The following MAST3 variants were observed in gnomAD, a reference collection of about 807,000 sequenced individuals.
MAST3 encodes microtubule associated serine/threonine kinase 3, also known as microtubule-associated serine/threonine-protein kinase 3.
MAST3 carries 43 observed loss-of-function variants against 127.0 expected under a neutral mutation model. The ratio of observed to expected loss-of-function variants is 0.34; its 90% CI spans 0.27 to 0.44. MAST3 has a LOEUF of 0.44. Among genes scored for constraint, MAST3 ranks in the 20% least tolerant of loss-of-function variants. The probability of loss-of-function intolerance (pLI) is 1.00; values close to 1 mark genes in which losing one functional copy is unlikely to be tolerated. For synonymous variants in MAST3, 785 were observed against 809.2 expected, an observed-to-expected ratio of 0.97 and a Z score of 0.51; for missense variants, 1,390 against 1,919.1, an observed-to-expected ratio of 0.72 and a Z score of 5.15.
chr19:18,139,490 A>G (rs1157990325), intron 20 of MAST3, among the ~76,000 whole-genome samples: 3 of 150,682 alleles, frequency 2.0e-5, no homozygotes, highest in African/African-American at 7.4e-5. Flanking sequence ...ACGCCCAGCT[A>G]ATTTTTGTAT....
intron 3 of MAST3, among the ~76,000 whole-genome samples, chr19:18,119,022 C>A (rs2039634454): frequency 6.6e-6 from 1 of 152,150 alleles, no homozygotes; most frequent in Non-Finnish European, 1.5e-5. Flanking sequence ...TGGCTTCAGG[C>A]CCCTGCTTTC....
At chr19:18,125,042 G>A (rs925727202) in intron 11 of MAST3, among the ~76,000 whole-genome samples, 2 of 152,138 alleles carry the variant, frequency 1.3e-5, no homozygotes, top group African/African-American at 2.4e-5. Flanking sequence ...AGGAGATGGA[G>A]GTTGCAGTGA....
At position 18,149,054 on chromosome 19, in the gene MAST3, A is replaced by C. The variant is rs1483067622; in HGVS notation, c.3509-137A>C. The C allele has an allele frequency of 4.1e-6, 4 of 970,428 alleles. No individual in the cohort carries two copies. The Admixed American group carries it at 1.2e-4, about 29-fold the overall frequency. 60.1% of individuals were successfully genotyped at this position (970,428 alleles called of 1,614,324 possible). On this transcript the variant is annotated intron_variant, in intron 27 of 27. Coordinates refer to ENST00000687212, the MANE Select transcript of MAST3 (RefSeq NM_001393504.1). This position sits in a 1 kb window ranked among gnomAD's most constrained non-coding sequence, Gnocchi z 5.9. ...GGCAACAGAGCAAGACCCTGTCTCA[A>C]AAACAAAAACAACCAGGCATGATGG...
At chr19:18,135,622 G>T in intron 17 of MAST3, 118 bp from the exon 18 acceptor site, 1 of 746,442 alleles carries the variant, frequency 1.3e-6, no homozygotes, top group Non-Finnish European at 2.3e-6. Flanking sequence ...CGTTGCAGGG[G>T]CAGAGGAGGC....
At chr19:18,148,728 C>T (rs570209911) in intron 27 of MAST3, among the ~76,000 whole-genome samples, 1 of 152,070 alleles carries the variant, frequency 6.6e-6, no homozygotes, top group Non-Finnish European at 1.5e-5. Flanking sequence ...CATGGTGAAA[C>T]CCCAACTCTA....
Position 18,134,947 on chromosome 19 carries a change from A to C in MAST3, c.1835A>C (p.Asp612Ala). 5.0e-6 allele frequency: 8 copies of C among 1,613,344 alleles called. No individual in the cohort carries two copies. Among genetic ancestry groups the C allele is most frequent in the Non-Finnish European group, 6.8e-6 (8 of 1,179,642 alleles). The change falls in exon 17 of 28, where the codon GAT becomes GCT. Residue 612 changes from aspartate (D) to alanine (A), a missense_variant. Asp to Ala is a moderately radical substitution (Grantham distance 126, BLOSUM62 -2). Around this residue, in one of 5 missense-constraint regions of MAST3, gnomAD observed 191 missense variants for 409.0 expected, o/e 0.47. Coordinates refer to ENST00000687212, the MANE Select transcript of MAST3 (RefSeq NM_001393504.1). ...GTGGGCTGCGTGCCTTTCTTTGGAG[A>C]TACCCCCGAGGAACTCTTCGGTCAG... ...FLVGCVPFFG[D>A]TPEELFGQVV...
In MAST3 at chr19:18,145,722, A is replaced by G. The variant is rs753362293; in HGVS notation, c.3040-21A>G. The G allele has an allele frequency of 1.9e-5, 29 of 1,560,006 alleles. No homozygotes were observed. Among genetic ancestry groups the G allele is most frequent in the Non-Finnish European group, 2.5e-5 (29 of 1,158,944 alleles). ...ATGTGGGGCCCAGGCCATTGACCCC[A>G]CCGTTCTCGTCTGCCCCCAGAGTGT... On this transcript the variant is annotated intron_variant, in intron 24 of 27. Coordinates refer to ENST00000687212, the MANE Select transcript of MAST3 (RefSeq NM_001393504.1). This position sits in a 1 kb window ranked among gnomAD's most constrained non-coding sequence, Gnocchi z 5.9.
At chr19:18,108,544 G>A (rs936314467) in intron 2 of MAST3, among the ~76,000 whole-genome samples, 1 of 151,914 alleles carries the variant, frequency 6.6e-6, no homozygotes, top group South Asian at 2.1e-4. Flanking sequence ...TGACTTGTAT[G>A]TTTAGTAGAG....
chr19:18,124,931 A>ACCCCC (rs111723470), intron 11 of MAST3, among the ~76,000 whole-genome samples, 157 bp downstream of exon 11: 5 of 135,710 alleles, frequency 3.7e-5, no homozygotes, highest in East Asian at 2.1e-4. Context: ...CATGGTGGAA[A>ACCCCC]CCCCCCCCCT....
intron 5 of MAST3, 141 bp downstream of exon 5, chr19:18,122,063 C>G (rs1346513482): frequency 1.6e-5 from 24 of 1,472,744 alleles, no homozygotes; most frequent in Admixed American, 2.3e-5. Context: ...GTGGTGGTCT[C>G]CCCCTCTGGC....
chr19:18,138,714 G>T (rs905387500), intron 19 of MAST3, among the ~76,000 whole-genome samples: 1 of 152,246 alleles, frequency 6.6e-6, no homozygotes, highest in East Asian at 1.9e-4. Flanking sequence ...GGCCAGGCTG[G>T]TCTCAAACTC....
chr19:18,147,722 G>A (rs1441928979), intron 27 of MAST3, 98 bp downstream of exon 27: 11 of 864,172 alleles, frequency 1.3e-5, no homozygotes, highest in Non-Finnish European at 1.9e-5. Context: ...GGAATGACAC[G>A]ATGTAGGGAA....
Position 18,110,572 on chromosome 19 carries a change from AGCCGCCATCCGGAGATCCGGATTCG to A in MAST3, c.72-76_72-52del, listed in dbSNP as rs2038481345. 2 of 871,704 alleles carry A rather than the reference AGCCGCCATCCGGAGATCCGGATTCG, an allele frequency of 2.3e-6. No homozygotes were observed. Among genetic ancestry groups the A allele is most frequent in the South Asian group, 1.0e-4 (2 of 19,106 alleles). 54.0% of individuals were successfully genotyped at this position (871,704 alleles called of 1,614,324 possible). On this transcript the variant is annotated intron_variant, in intron 2 of 27. Transcript: ENST00000687212. This position sits in a 1 kb window ranked among gnomAD's most constrained non-coding sequence, Gnocchi z 4.3. Reference sequence around the variant, plus strand: ...GGCCCCTACTCCCTGAGGGAACCGCAGCCGCCATCCGGAGATCCGGATTCGGCCACACGAAGGGGCGGCCGCCAGG... The same window carrying A: ...GGCCCCTACTCCCTGAGGGAACCGCAGCCACACGAAGGGGCGGCCGCCAGG...
intron 13 of MAST3, among the ~76,000 whole-genome samples, chr19:18,130,291 A>T (rs533924228): frequency 6.6e-6 from 1 of 152,344 alleles, no homozygotes; most frequent in African/African-American, 2.4e-5. Flanking sequence ...TGTGCAGCCC[A>T]TTTATATGGC....
rs2042765695 is a variant in MAST3, at chr19:18,143,893, G to T, written c.2470G>T (p.Asp824Tyr). Residue 824 changes from aspartate (D) to tyrosine (Y), a missense_variant, in exon 22 of 28, where the codon GAT (aspartate) becomes TAT (tyrosine). Around this residue, in one of 5 missense-constraint regions of MAST3, gnomAD observed 816 missense variants for 934.1 expected, o/e 0.87. Transcript: ENST00000687212. ...GCCCAAGTTTGCCTTCTCATCAGAG[G>T]ATGAGGGGGTAGGCCCAGGCCCTGC... ...TMPKFAFSSE[D>Y]EGVGPGPAGP... 1 of 1,613,788 alleles carries T rather than the reference G, an allele frequency of 6.2e-7. No homozygotes were observed. The highest frequency in any genetic ancestry group is 8.5e-7 in the Non-Finnish European group (1 of 1,179,886).
rs779108121 is a variant in MAST3, at chr19:18,110,433, C to G, written c.72-219C>G. On this transcript the variant is annotated intron_variant, in intron 2 of 27. Coordinates refer to ENST00000687212, the MANE Select transcript of MAST3 (RefSeq NM_001393504.1). The surrounding 1 kb of genome is among the most constrained non-coding windows in gnomAD (Gnocchi z 4.3). ...GACAGGATGACAACTACCCTCCCCC[C>G]ACGTCTCTGTTCGTGTCGCCCAGAA... 2.3e-4 allele frequency: 224 copies of G among 982,860 alleles called. No homozygotes were observed. Among genetic ancestry groups the G allele is most frequent in the Non-Finnish European group, 2.6e-4 (214 of 827,508 alleles). 60.9% of individuals were successfully genotyped at this position (982,860 alleles called of 1,614,324 possible). A position where few individuals can be genotyped will look rare whatever the true frequency, so the allele number is the denominator to read the frequency against.
chr19:18,105,716 C>T (rs1373576049), intron 1 of MAST3, among the ~76,000 whole-genome samples: 1 of 151,988 alleles, frequency 6.6e-6, no homozygotes, highest in Admixed American at 6.6e-5. Flanking sequence ...TCTTGGGCAG[C>T]CCATGTCTGA....
chr19:18,120,116 G>A (rs1208527173), intron 3 of MAST3, among the ~76,000 whole-genome samples: 1 of 152,202 alleles, frequency 6.6e-6, no homozygotes, highest in Non-Finnish European at 1.5e-5. Context: ...CCTGGGCCAG[G>A]GATCTGGTGG....
intron 1 of MAST3, among the ~76,000 whole-genome samples, chr19:18,101,461 C>CT (rs2037613772): frequency 6.6e-6 from 1 of 151,934 alleles, no homozygotes; most frequent in African/African-American, 2.4e-5. Flanking sequence ...GGGCATCGAA[C>CT]TTCCAACCGG....
Sources: allele counts gnomAD v4.1 joint callset (sites outside exome capture counted in the v4.1 genomes callset), GRCh38; gene constraint gnomAD v4.1.1; regional missense constraint gnomAD v4.1.1; non-coding constraint Gnocchi (gnomAD v3.1); transcripts MANE v1.5; gene names NCBI Gene and HGNC (gene_info 2026-07-23, HGNC 2026-07-21).